The following MAGI3 variants were observed in gnomAD, a reference collection of about 807,000 sequenced individuals.
MAGI3 encodes membrane associated guanylate kinase, WW and PDZ domain containing 3, also known as membrane-associated guanylate kinase, WW and PDZ domain-containing protein 3.
In MAGI3, 43 loss-of-function variants were observed where a neutral mutation model predicts 121.8. The ratio of observed to expected loss-of-function variants is 0.35; its 90% CI spans 0.28 to 0.46. MAGI3 has a LOEUF of 0.46. Among genes scored for constraint, MAGI3 ranks in the 20% least tolerant of loss-of-function variants. MAGI3 has a pLI of 1.00. For synonymous variants in MAGI3, 553 were observed against 639.3 expected, an observed-to-expected ratio of 0.86 and a Z score of 2.04; for missense variants, 1,547 against 1,797.3, an observed-to-expected ratio of 0.86 and a Z score of 2.52.
At chr1:113,544,044 A>G (rs1359193507) in intron 1 of MAGI3, among the ~76,000 whole-genome samples, 1 of 152,208 alleles carries the variant, frequency 6.6e-6, no homozygotes, top group Non-Finnish European at 1.5e-5. Flanking sequence ...GTGTCATAGA[A>G]TGAATATGTT....
chr1:113,663,113 T>C (rs1220572533), intron 16 of MAGI3, among the ~76,000 whole-genome samples: 1 of 151,914 alleles, frequency 6.6e-6, no homozygotes, highest in Non-Finnish European at 1.5e-5. Flanking sequence ...TAATCCCAGC[T>C]ACTCGGGAGG....
At chr1:113,607,300 T>A (rs1649833731) in intron 6 of MAGI3, among the ~76,000 whole-genome samples, 1 of 152,214 alleles carries the variant, frequency 6.6e-6, no homozygotes, top group African/African-American at 2.4e-5. Context: ...TCACATACTC[T>A]AACCAGAGTG....
chr1:113,534,618 G>A (rs79638911), intron 1 of MAGI3, among the ~76,000 whole-genome samples: 1 of 152,074 alleles, frequency 6.6e-6, no homozygotes, highest in South Asian at 2.1e-4. Context: ...GTAGTTATTT[G>A]TTTAGACTGG....
chr1:113,627,280 A>G (rs1480591676), intron 9 of MAGI3, among the ~76,000 whole-genome samples: 1 of 151,950 alleles, frequency 6.6e-6, no homozygotes, highest in Non-Finnish European at 1.5e-5. Flanking sequence ...TTTATTCCAT[A>G]GCAGTTGAGA....
At chr1:113,677,454 T>C (rs1357041833) in intron 19 of MAGI3, among the ~76,000 whole-genome samples, 1 of 152,210 alleles carries the variant, frequency 6.6e-6, no homozygotes, top group East Asian at 1.9e-4. Context: ...GGTATGACCC[T>C]AGTCCGTCGT....
intron 1 of MAGI3, among the ~76,000 whole-genome samples, chr1:113,425,277 T>TC (rs1652944071): frequency 8.4e-6 from 1 of 119,376 alleles, no homozygotes; most frequent in Non-Finnish European, 1.8e-5. Flanking sequence ...AATTCAATTT[T>TC]TTTTTTTTTT....
chr1:113,464,204 A>G (rs1655165519), intron 1 of MAGI3, among the ~76,000 whole-genome samples: 1 of 151,684 alleles, frequency 6.6e-6, no homozygotes, highest in African/African-American at 2.4e-5. Context: ...CTGTATCTTT[A>G]TGAGATCCAC....
intron 1 of MAGI3, among the ~76,000 whole-genome samples, chr1:113,474,726 CT>C (rs760637142): frequency 6.6e-6 from 1 of 152,094 alleles, no homozygotes; most frequent in Non-Finnish European, 1.5e-5. Flanking sequence ...ACTGTGGGCT[CT>C]TTTTTGGTTC....
chr1:113,391,376 G>C lies in MAGI3; in HGVS notation c.316+27G>C, dbSNP rs866147949. On this transcript the variant is annotated intron_variant, in intron 1 of 20. Coordinates refer to ENST00000307546, the MANE Select transcript of MAGI3 (RefSeq NM_001142782.2). The surrounding 1 kb of genome is among the most constrained non-coding windows in gnomAD (Gnocchi z 4.4). ...TACGCCGGCCCTGCGTATCTGTCTC[G>C]GGGTGTTGGGGAGAGGGGCTTCAGG... 1.3e-6 allele frequency: 2 copies of C among 1,565,888 alleles called. No homozygotes were observed. The highest frequency in any genetic ancestry group is 1.7e-4 in the Middle Eastern group (1 of 6,030).
intron 1 of MAGI3, among the ~76,000 whole-genome samples, chr1:113,520,687 C>T (rs555865200): frequency 2.8e-4 from 42 of 152,282 alleles, no homozygotes; most frequent in East Asian, 9.7e-4. Context: ...ACCACAACTT[C>T]GGTCTCCTCA....
chr1:113,616,885 CTT>C (rs36011283), intron 7 of MAGI3, among the ~76,000 whole-genome samples: 26 of 134,078 alleles, frequency 1.9e-4, no homozygotes, highest in African/African-American at 1.9e-4. Flanking sequence ...ACAACTAAAA[CTT>C]TTTTTTTTTT....
intron 17 of MAGI3, 93 bp downstream of exon 17, chr1:113,671,929 C>T (rs2101021147): frequency 8.7e-7 from 1 of 1,151,584 alleles, no homozygotes; most frequent in East Asian, 2.5e-5. Flanking sequence ...CATCCACCCC[C>T]ATGCAGTAAT....
Position 113,518,095 on chromosome 1 carries a change from G to A in MAGI3, c.317-31420G>A, listed in dbSNP as rs886199322. On this transcript the variant is annotated intron_variant, in intron 1 of 20. Transcript: ENST00000307546. ...TGAATCTATTTTACTGGTTTCTGTG[G>A]TAATACAAATAACACACCACTGACA... Among the ~76,000 whole-genome samples the A allele has an allele frequency of 3.3e-5, 5 of 151,872 alleles. No homozygotes were observed. The East Asian group carries it at 9.6e-4, about 29-fold the overall frequency.
chr1:113,643,909 T>C (rs1418520085), intron 11 of MAGI3, 135 bp downstream of exon 11: 6 of 929,036 alleles, frequency 6.5e-6, no homozygotes, highest in Non-Finnish European at 1.0e-5. Flanking sequence ...CCTTGGCTTG[T>C]ATTTATTAGA....
chr1:113,537,281 C>T (rs183470296), intron 1 of MAGI3, among the ~76,000 whole-genome samples: 1 of 152,164 alleles, frequency 6.6e-6, no homozygotes, highest in African/African-American at 2.4e-5. Context: ...TTTTTGCTTT[C>T]CCTGTTGGGA....
At chr1:113,675,217 T>G (rs925770391) in intron 19 of MAGI3, among the ~76,000 whole-genome samples, 1 of 152,172 alleles carries the variant, frequency 6.6e-6, no homozygotes, top group African/African-American at 2.4e-5. Context: ...TAGCTGTAAT[T>G]TATGCATACA....
intron 16 of MAGI3, among the ~76,000 whole-genome samples, chr1:113,669,047 G>A (rs185340796): frequency 1.9e-3 from 292 of 152,254 alleles, no homozygotes; most frequent in Admixed American, 3.9e-3. Context: ...AGCTAGTAAC[G>A]CCGATAAATT....
rs866288919 is a variant in MAGI3 at position 113,510,885 on chromosome 1, G to A, written c.317-38630G>A. 2.6e-5 allele frequency among the ~76,000 whole-genome samples: 4 copies of A among 152,006 alleles called. No individual in the cohort carries two copies. The South Asian group carries it at 6.2e-4, about 24-fold the overall frequency. On this transcript the variant is annotated intron_variant, in intron 1 of 20. Coordinates refer to ENST00000307546, the MANE Select transcript of MAGI3 (RefSeq NM_001142782.2). ...TTGCCCTGAGTATCCTTATTTTGCC[G>A]CTCAAATGTCCCTTGATTTCTCTAG...
chr1:113,423,206 G>A (rs189154388), intron 1 of MAGI3, among the ~76,000 whole-genome samples: 9 of 147,314 alleles, frequency 6.1e-5, no homozygotes, highest in East Asian at 2.0e-4. Flanking sequence ...CCCAAAGCGC[G>A]TAGTTCCTAT....
Sources: gnomAD v4.1 joint callset for allele counts (sites outside exome capture counted in the v4.1 genomes callset) on GRCh38, gnomAD v4.1.1 for gene constraint, Gnocchi (gnomAD v3.1) non-coding constraint, MANE v1.5 for transcripts, NCBI Gene and HGNC (gene_info 2026-07-23, HGNC 2026-07-21) for gene names.